Variants in SLCO2A1 observed in about 807,000 individuals in gnomAD.
The protein encoded by SLCO2A1 is matrin F/G 1.
In SLCO2A1, 60 loss-of-function variants were observed where a neutral mutation model predicts 71.7. The ratio of observed to expected loss-of-function variants is 0.84; its 90% CI spans 0.68 to 1.04. The LOEUF is 1.04. SLCO2A1 is among the 50% of genes least tolerant of loss of function. SLCO2A1 has a pLI of 0.00. For synonymous variants in SLCO2A1, 308 were observed against 326.7 expected (o/e 0.94, Z 0.62); for missense variants, 745 against 813.4 (o/e 0.92, Z 1.02).
At chr3:134,019,031 G>C (rs1935518066) in intron 1 of SLCO2A1, among the ~76,000 whole-genome samples, 2 of 152,164 alleles carry the variant, frequency 1.3e-5, no homozygotes, top group African/African-American at 2.4e-5. Flanking sequence ...AGCCACTGCT[G>C]CTCCCCTTGG....
chr3:133,964,304 A>G (rs1934115373), intron 3 of SLCO2A1, among the ~76,000 whole-genome samples: 1 of 152,206 alleles, frequency 6.6e-6, no homozygotes, highest in African/African-American at 2.4e-5. Context: ...CAAAACAGAT[A>G]TAATACCTGT....
chr3:134,007,494 T>C (rs1207108732), intron 1 of SLCO2A1, among the ~76,000 whole-genome samples: 1 of 152,240 alleles, frequency 6.6e-6, no homozygotes, highest in African/African-American at 2.4e-5. Flanking sequence ...AATTTCTATA[T>C]AGGGCATAAA....
At chr3:134,011,053 GT>G (rs1211309682) in intron 1 of SLCO2A1, among the ~76,000 whole-genome samples, 3 of 152,028 alleles carry the variant, frequency 2.0e-5, no homozygotes, top group Non-Finnish European at 2.9e-5. Flanking sequence ...TTGTTTGTTT[GT>G]TTTTTGTTTT....
chr3:134,025,959 T>C (rs558973780), intron 1 of SLCO2A1, among the ~76,000 whole-genome samples: 1 of 152,316 alleles, frequency 6.6e-6, no homozygotes, highest in South Asian at 2.1e-4. Flanking sequence ...GTTTTTGCAA[T>C]TAGCTGAGCA....
chr3:133,987,812 A>G (rs1934751384), intron 1 of SLCO2A1, among the ~76,000 whole-genome samples: 1 of 152,220 alleles, frequency 6.6e-6, no homozygotes, highest in Admixed American at 6.5e-5. Context: ...TCAGGGCAGG[A>G]GATGTGGCTG....
intron 2 of SLCO2A1, among the ~76,000 whole-genome samples, chr3:133,978,401 C>G (rs1282713258): frequency 6.6e-6 from 1 of 152,106 alleles, no homozygotes; most frequent in Non-Finnish European, 1.5e-5. Context: ...GTGCCTCCCT[C>G]CTAGGACCGT....
At chr3:133,987,332 C>T (rs751029431) in intron 1 of SLCO2A1, among the ~76,000 whole-genome samples, 3 of 151,766 alleles carry the variant, frequency 2.0e-5, no homozygotes, top group Non-Finnish European at 4.4e-5. Flanking sequence ...CATGTAGAAT[C>T]GATTCTCTCT....
chr3:133,985,274 G>C (rs553322606), intron 1 of SLCO2A1, among the ~76,000 whole-genome samples: 1 of 152,172 alleles, frequency 6.6e-6, no homozygotes, highest in Non-Finnish European at 1.5e-5. Flanking sequence ...GCATATTAAA[G>C]GTTCTGAGTT....
At chr3:133,954,414 G>A (rs1933831175) in intron 4 of SLCO2A1, among the ~76,000 whole-genome samples, 1 of 152,064 alleles carries the variant, frequency 6.6e-6, no homozygotes, top group African/African-American at 2.4e-5. Flanking sequence ...CGCCTGCCTT[G>A]GCCTCCCAAA....
In SLCO2A1 at chr3:134,025,659, TA is replaced by T. The variant is rs898748087; in HGVS notation, c.96+4047del. On this transcript the variant is annotated intron_variant, in intron 1 of 13. Coordinates refer to ENST00000310926, the MANE Select transcript of SLCO2A1 (RefSeq NM_005630.3). The stretch of plus-strand genomic sequence containing the variant: ...TCTTGTGTCATTTAGGCCACTTCGA[TA>T]AAAAAAAAATGAAAAAGATCCAGTC... Among the ~76,000 whole-genome samples, 11 of 147,484 alleles carry T rather than the reference TA, an allele frequency of 7.5e-5. No individual in the cohort carries two copies. The East Asian group carries it at 7.9e-4, about 11-fold the overall frequency.
chr3:134,008,831 G>C (rs1935275548), intron 1 of SLCO2A1, among the ~76,000 whole-genome samples: 3 of 152,174 alleles, frequency 2.0e-5, no homozygotes, highest in Admixed American at 2.0e-4. Flanking sequence ...CCACATTCTT[G>C]CCTCCCTTTA....
Position 134,020,178 on chromosome 3 carries a change from C to A in SLCO2A1, c.96+9529G>T, listed in dbSNP as rs139081250. ...ATGGATCATGACCCGCTCATGTGCACCCCCTTAGAGTTGTGAGCCCTTAAA... is the reference window on the plus strand; with the variant it reads ...ATGGATCATGACCCGCTCATGTGCAACCCCTTAGAGTTGTGAGCCCTTAAA... On this transcript the variant is annotated intron_variant, in intron 1 of 13. Coordinates refer to ENST00000310926, the MANE Select transcript of SLCO2A1 (RefSeq NM_005630.3). Among the ~76,000 whole-genome samples, 15 of 152,264 alleles carry A rather than the reference C, an allele frequency of 9.9e-5. No homozygotes were observed. In the East Asian group the frequency reaches 2.9e-3, roughly 29 times the overall value.
intron 1 of SLCO2A1, among the ~76,000 whole-genome samples, chr3:134,006,148 C>G (rs1053881734): frequency 6.6e-6 from 1 of 152,234 alleles, no homozygotes; most frequent in African/African-American, 2.4e-5. Context: ...CCTTGACCTC[C>G]GAGGCTCAAG....
At chr3:133,961,656 G>A (rs185740136) in intron 3 of SLCO2A1, among the ~76,000 whole-genome samples, 28 of 152,072 alleles carry the variant, frequency 1.8e-4, no homozygotes, top group East Asian at 1.2e-3. Flanking sequence ...TAAAAATGTC[G>A]GATTACATGT....
chr3:133,990,253 A>C (rs1222182291), intron 1 of SLCO2A1, among the ~76,000 whole-genome samples: 6 of 152,246 alleles, frequency 3.9e-5, no homozygotes, highest in Non-Finnish European at 7.3e-5. Flanking sequence ...GAAATCTTTC[A>C]TCCACTCATA....
intron 3 of SLCO2A1, among the ~76,000 whole-genome samples, chr3:133,968,071 C>T (rs142993871): frequency 1.0e-3 from 146 of 141,594 alleles, no homozygotes; most frequent in African/African-American, 3.7e-3. Flanking sequence ...TTCCCTCACA[C>T]CTTCCCCTTC....
intron 1 of SLCO2A1, among the ~76,000 whole-genome samples, chr3:134,011,378 G>A (rs1559957518): frequency 6.6e-6 from 1 of 152,206 alleles, no homozygotes; most frequent in Non-Finnish European, 1.5e-5. Context: ...TGGATTCAGT[G>A]GGCCCATGAT....
At chr3:134,010,079 T>C (rs181684630) in intron 1 of SLCO2A1, among the ~76,000 whole-genome samples, 1 of 152,342 alleles carries the variant, frequency 6.6e-6, no homozygotes, top group East Asian at 1.9e-4. Context: ...GGAAGAGGCC[T>C]CAAGTGTATT....
chr3:133,961,706 C>A (rs1934039814), intron 3 of SLCO2A1, among the ~76,000 whole-genome samples: 1 of 142,700 alleles, frequency 7.0e-6, no homozygotes, highest in African/African-American at 2.5e-5. Context: ...TAAAAATAAT[C>A]AATGGGCCCC....
Sources: allele counts gnomAD v4.1 joint callset (sites outside exome capture counted in the v4.1 genomes callset), GRCh38; gene constraint gnomAD v4.1.1; transcripts MANE v1.5; gene names NCBI Gene and HGNC (gene_info 2026-07-23, HGNC 2026-07-21).